Variants in NT5DC1 observed in about 807,000 individuals in gnomAD.
The protein encoded by NT5DC1 is 5'-nucleotidase domain-containing protein 1.
NT5DC1 carries 42 observed loss-of-function variants against 59.4 expected under a neutral mutation model. The ratio of observed to expected loss-of-function variants is 0.71; its 90% CI spans 0.55 to 0.92. The LOEUF is 0.92. Ranked by LOEUF, NT5DC1 falls within the 40% of genes least tolerant of loss-of-function variation. NT5DC1 has a pLI of 0.00. For synonymous variants in NT5DC1, 172 were observed against 188.1 expected, an observed-to-expected ratio of 0.91 and a Z score of 0.70; for missense variants, 501 against 537.1, an observed-to-expected ratio of 0.93 and a Z score of 0.66.
At chr6:116,234,642 A>G (rs1011600327) in intron 8 of NT5DC1, among the ~76,000 whole-genome samples, 2 of 152,206 alleles carry the variant, frequency 1.3e-5, no homozygotes, top group African/African-American at 4.8e-5. Context: ...CACCCAGCCT[A>G]CATTTTTAAA....
chr6:116,239,748 A>G (rs1782187872), intron 11 of NT5DC1, among the ~76,000 whole-genome samples: 1 of 152,236 alleles, frequency 6.6e-6, no homozygotes, highest in African/African-American at 2.4e-5. Flanking sequence ...TTTGAGGAAG[A>G]TAACATCATT....
At chr6:116,160,632 C>T (rs1037787275) in intron 6 of NT5DC1, among the ~76,000 whole-genome samples, 10 of 152,086 alleles carry the variant, frequency 6.6e-5, no homozygotes, top group African/African-American at 2.4e-4. Flanking sequence ...AATTAAGTCC[C>T]ATTTGTCTAC....
At chr6:116,225,999 C>T (rs889134651) in intron 8 of NT5DC1, among the ~76,000 whole-genome samples, 1 of 152,074 alleles carries the variant, frequency 6.6e-6, no homozygotes, top group Non-Finnish European at 1.5e-5. Flanking sequence ...CCCCCAACGA[C>T]GAAGAATTAT....
At chr6:116,133,279 T>A (rs1367167696) in intron 6 of NT5DC1, among the ~76,000 whole-genome samples, 2 of 152,222 alleles carry the variant, frequency 1.3e-5, no homozygotes, top group Admixed American at 6.5e-5. Context: ...TCACACATGT[T>A]AGTTCCTACT....
At chr6:116,105,675 G>A (rs1279272756) in intron 1 of NT5DC1, among the ~76,000 whole-genome samples, 1 of 151,816 alleles carries the variant, frequency 6.6e-6, no homozygotes, top group African/African-American at 2.4e-5. Flanking sequence ...ATTTATTATT[G>A]TAATTATTGT....
At chr6:116,163,380 T>C (rs965852380) in intron 6 of NT5DC1, among the ~76,000 whole-genome samples, 22 of 151,894 alleles carry the variant, frequency 1.4e-4, no homozygotes, top group Admixed American at 2.6e-4. Flanking sequence ...AATTTATTTG[T>C]TTCCTCTAAG....
chr6:116,135,866 TATATATAC>T (rs1280012541), intron 6 of NT5DC1, among the ~76,000 whole-genome samples: 3,677 of 109,278 alleles, frequency 0.034, 169 homozygotes, highest in African/African-American at 0.099. Context: ...TATATATATA[TATATATAC>T]ACACATACAC....
At chr6:116,107,072 A>G (rs1778781919) in intron 2 of NT5DC1, among the ~76,000 whole-genome samples, 1 of 151,520 alleles carries the variant, frequency 6.6e-6, no homozygotes. Context: ...ACGTGCTTGT[A>G]TTTCCAGCTA....
At chr6:116,149,182 C>G (rs1259179877) in intron 6 of NT5DC1, among the ~76,000 whole-genome samples, 1 of 152,060 alleles carries the variant, frequency 6.6e-6, no homozygotes, top group Admixed American at 6.5e-5. Flanking sequence ...ACATTTGGTA[C>G]AGAATTTGAA....
intron 10 of NT5DC1, among the ~76,000 whole-genome samples, 175 bp from the exon 11 acceptor site, chr6:116,238,780 A>G (rs1315473354): frequency 6.6e-6 from 1 of 152,194 alleles, no homozygotes; most frequent in Non-Finnish European, 1.5e-5. Context: ...AAAATAAAGG[A>G]TACTTCATAA....
intron 8 of NT5DC1, among the ~76,000 whole-genome samples, chr6:116,236,468 T>C (rs1782115515): frequency 6.6e-6 from 1 of 152,212 alleles, no homozygotes; most frequent in Non-Finnish European, 1.5e-5. Flanking sequence ...GATAGTCCTT[T>C]CATTCCCCAC....
intron 6 of NT5DC1, among the ~76,000 whole-genome samples, chr6:116,200,931 G>A (rs1321241461): frequency 6.6e-6 from 1 of 151,868 alleles, no homozygotes; most frequent in Admixed American, 6.6e-5. Context: ...CAACTTACCA[G>A]TGCTTTTTTC....
intron 6 of NT5DC1, chr6:116,121,444 T>G: frequency 1.2e-6 from 2 of 1,614,082 alleles, no homozygotes; most frequent in Non-Finnish European, 1.7e-6. Flanking sequence ...GAACCCCATT[T>G]TCACCTCTTT....
chr6:116,198,127 G>T (rs1781273701), intron 6 of NT5DC1, among the ~76,000 whole-genome samples: 1 of 152,006 alleles, frequency 6.6e-6, no homozygotes, highest in Non-Finnish European at 1.5e-5. Flanking sequence ...GTGCTGGGTG[G>T]TCACCACATC....
At position 116,100,904 on chromosome 6, in the gene NT5DC1, G is replaced by A. The variant is rs1778626327; in HGVS notation, c.-27G>A. ...GCTCCTTGCACCCTTCGCGGCCGAG[G>A]CGCTCCCTGGTGCTCCCCGCGCAGC... On this transcript the variant is annotated 5_prime_UTR_variant, in exon 1 of 12. Transcript: ENST00000319550. 1 of 1,574,004 alleles carries A rather than the reference G, an allele frequency of 6.4e-7. No homozygotes were observed. Among genetic ancestry groups the A allele is most frequent in the Non-Finnish European group, 8.6e-7 (1 of 1,159,378 alleles).
intron 6 of NT5DC1, among the ~76,000 whole-genome samples, chr6:116,181,302 GATCTTACAGAA>G (rs1454729750): frequency 6.6e-6 from 1 of 151,840 alleles, no homozygotes; most frequent in African/African-American, 2.4e-5. Flanking sequence ...GATACAAAAG[GATCTTACAGAA>G]ATCTTACAGA....
At chr6:116,120,200 C>T in intron 6 of NT5DC1, 3 of 1,614,172 alleles carry the variant, frequency 1.9e-6, no homozygotes, top group Admixed American at 1.7e-5. Flanking sequence ...GATGATGGCA[C>T]TCCCTGAAGC....
intron 6 of NT5DC1, chr6:116,120,999 G>T (rs1483675472): frequency 6.2e-7 from 1 of 1,613,620 alleles, no homozygotes; most frequent in Non-Finnish European, 8.5e-7. Context: ...TTAGCCCCAG[G>T]GTATCCTGCA....
intron 6 of NT5DC1, chr6:116,120,561 C>CT: frequency 6.2e-7 from 1 of 1,609,760 alleles, no homozygotes; most frequent in African/African-American, 1.3e-5. Context: ...GGCATGACTG[C>CT]TTGACCTGGT....
Sources: allele counts gnomAD v4.1 joint callset (sites outside exome capture counted in the v4.1 genomes callset), GRCh38; gene constraint gnomAD v4.1.1; transcripts MANE v1.5; gene names NCBI Gene and HGNC (gene_info 2026-07-23, HGNC 2026-07-21).